Variants in TMEM38B observed in about 807,000 individuals in gnomAD.
TMEM38B encodes the protein transmembrane protein 38B.
Under a neutral mutation model 28.7 loss-of-function variants are expected in TMEM38B, and 24 were observed. That is an observed-to-expected ratio of 0.84 (90% CI 0.61 to 1.18). The LOEUF is 1.18. Among genes scored for constraint, TMEM38B ranks in the 50% most tolerant of loss-of-function variants. TMEM38B has a pLI of 0.00. For missense variants in TMEM38B, 380 were observed against 350.9 expected, an observed-to-expected ratio of 1.08 and a Z score of -0.66; for synonymous variants, 131 against 127.7, an observed-to-expected ratio of 1.03 and a Z score of -0.17.
chr9:105,696,433 GC>G (rs1299746196), intron 1 of TMEM38B, among the ~76,000 whole-genome samples: 2 of 152,152 alleles, frequency 1.3e-5, no homozygotes, highest in Non-Finnish European at 2.9e-5. Flanking sequence ...GGAGGCGCCT[GC>G]CACCAAGTTC....
intron 2 of TMEM38B, chr9:105,710,384 T>C (rs1835856281): frequency 1.2e-6 from 1 of 828,588 alleles, no homozygotes; most frequent in East Asian, 2.4e-5. Flanking sequence ...ATGAAAAGAC[T>C]GACTTCATGA....
At chr9:105,719,137 C>T (rs370740118) in intron 2 of TMEM38B, among the ~76,000 whole-genome samples, 46 of 152,296 alleles carry the variant, frequency 3.0e-4, no homozygotes, top group African/African-American at 1.1e-3. Flanking sequence ...TTTGTATATA[C>T]CTAAATTCTA....
intron 5 of TMEM38B, chr9:105,758,517 C>A: frequency 8.0e-7 from 1 of 1,254,522 alleles, no homozygotes; most frequent in Non-Finnish European, 1.2e-6. Flanking sequence ...CAGTTTTGGT[C>A]CTAAAGTTAC....
At position 105,773,938 on chromosome 9, in the gene TMEM38B, T is replaced by G. The variant is rs755155469; in HGVS notation, c.734T>G (p.Phe245Cys). ...GAGGATACATTGAGTTGGATGCTAT[T>G]TGGCTGGCAGCAGCCGTTTTCATCA... is the stretch of plus-strand genomic sequence containing the variant. ...PFEDTLSWMLFGWQQPFSSCE... is the reference protein window; with the variant it reads ...PFEDTLSWMLCGWQQPFSSCE... Residue 245 changes from phenylalanine to cysteine, a missense_variant, in exon 6 of 6, where the codon TTT becomes TGT. By Grantham distance (205) the Phe-to-Cys change is radical. Coordinates refer to ENST00000374692, the MANE Select transcript of TMEM38B (RefSeq NM_018112.3). 1 of 1,613,828 alleles carries G rather than the reference T, an allele frequency of 6.2e-7. No homozygotes were observed. Among genetic ancestry groups the G allele is most frequent in the Non-Finnish European group, 8.5e-7 (1 of 1,179,784 alleles).
intron 4 of TMEM38B, among the ~76,000 whole-genome samples, chr9:105,729,044 G>C (rs1836633824): frequency 1.3e-5 from 2 of 152,192 alleles, no homozygotes; most frequent in Non-Finnish European, 1.5e-5. Flanking sequence ...TGTTCACTCT[G>C]ATGGTAGTTG....
At chr9:105,696,498 G>A (rs1429033443) in intron 1 of TMEM38B, among the ~76,000 whole-genome samples, 2 of 152,102 alleles carry the variant, frequency 1.3e-5, no homozygotes, top group Non-Finnish European at 2.9e-5. Context: ...TGTTGGCCAG[G>A]CTTGAAGAAT....
chr9:105,708,638 A>C (rs1291211194), intron 2 of TMEM38B, among the ~76,000 whole-genome samples: 1 of 152,090 alleles, frequency 6.6e-6, no homozygotes, highest in East Asian at 1.9e-4. Context: ...GAGCTTTGCT[A>C]TTTCTTGAAT....
chr9:105,714,159 C>A (rs1045389582), intron 2 of TMEM38B, among the ~76,000 whole-genome samples: 1 of 152,036 alleles, frequency 6.6e-6, no homozygotes, highest in Admixed American at 6.5e-5. Context: ...CTGCTGAGAG[C>A]TGCAGAGACA....
At chr9:105,758,326 A>G in intron 5 of TMEM38B, 1 of 813,994 alleles carries the variant, frequency 1.2e-6, no homozygotes, top group Non-Finnish European at 2.1e-6. Context: ...CAGAGCTAGA[A>G]TTCAGATCTT....
At chr9:105,760,153 A>G (rs964065115) in intron 5 of TMEM38B, 17 of 884,098 alleles carry the variant, frequency 1.9e-5, no homozygotes, top group Non-Finnish European at 2.9e-5. Flanking sequence ...TCCGCCACCA[A>G]ATTGTAGAAA....
chr9:105,759,940 A>G (rs1431613740), intron 5 of TMEM38B: 2 of 1,585,606 alleles, frequency 1.3e-6, no homozygotes, highest in South Asian at 1.1e-5. Flanking sequence ...TGGACAAAGC[A>G]GCACAAGTGT....
At chr9:105,734,392 A>C (rs1304552937) in intron 4 of TMEM38B, among the ~76,000 whole-genome samples, 1 of 152,134 alleles carries the variant, frequency 6.6e-6, no homozygotes. Flanking sequence ...TTTTATGTGC[A>C]CTAGAGAAGA....
At chr9:105,749,060 A>G in intron 5 of TMEM38B, 3 of 1,302,570 alleles carry the variant, frequency 2.3e-6, no homozygotes, top group Non-Finnish European at 3.0e-6. Context: ...TGAATCATTT[A>G]TTTTTGTTTC....
chr9:105,708,462 C>G (rs1306978176), intron 2 of TMEM38B, among the ~76,000 whole-genome samples: 1 of 152,252 alleles, frequency 6.6e-6, no homozygotes, highest in East Asian at 1.9e-4. Flanking sequence ...TGAGGGACAA[C>G]TTAAGTTAGA....
At chr9:105,749,520 G>A (rs548874222) in intron 5 of TMEM38B, among the ~76,000 whole-genome samples, 8 of 152,266 alleles carry the variant, frequency 5.3e-5, no homozygotes, top group Middle Eastern at 3.4e-3. Flanking sequence ...TACAATTCAA[G>A]GTGAGATTTG....
intron 1 of TMEM38B, chr9:105,702,878 C>T (rs931526480): frequency 1.3e-5 from 2 of 152,038 alleles, no homozygotes; most frequent in Non-Finnish European, 2.9e-5. Flanking sequence ...GGGAGTCTTG[C>T]TATGTTGCTC....
At chr9:105,707,930 A>G (rs1299153519) in intron 2 of TMEM38B, among the ~76,000 whole-genome samples, 1 of 152,216 alleles carries the variant, frequency 6.6e-6, no homozygotes, top group Admixed American at 6.5e-5. Context: ...TTTAAAAGTT[A>G]TTAGCATTTT....
At chr9:105,746,524 C>A (rs1588448785) in intron 4 of TMEM38B, among the ~76,000 whole-genome samples, 1 of 152,188 alleles carries the variant, frequency 6.6e-6, no homozygotes, top group Admixed American at 6.5e-5. Flanking sequence ...CATCTGCAAA[C>A]AAGGACAATT....
intron 4 of TMEM38B, among the ~76,000 whole-genome samples, chr9:105,746,566 T>C (rs1231178305): frequency 6.6e-6 from 1 of 152,188 alleles, no homozygotes; most frequent in Non-Finnish European, 1.5e-5. Flanking sequence ...GAATACTCTT[T>C]ATTTCTTTCT....
Sources: gnomAD v4.1 joint callset for allele counts (sites outside exome capture counted in the v4.1 genomes callset) on GRCh38, gnomAD v4.1.1 for gene constraint, MANE v1.5 for transcripts, NCBI Gene and HGNC (gene_info 2026-07-23, HGNC 2026-07-21) for gene names.